Variants in CHRM3 observed in about 807,000 individuals in gnomAD.
The protein encoded by CHRM3 is cholinergic receptor muscarinic 3, also known as muscarinic acetylcholine receptor M3.
In CHRM3, 11 loss-of-function variants were observed where a neutral mutation model predicts 41.8. The ratio of observed to expected loss-of-function variants is 0.26; its 90% CI spans 0.17 to 0.44. The LOEUF is 0.44. CHRM3 is among the 20% of genes least tolerant of loss of function. The pLI, the probability that CHRM3 is intolerant of heterozygous loss-of-function variation, is 1.00. For synonymous variants in CHRM3, 297 were observed against 301.4 expected (o/e 0.99, Z 0.15); for missense variants, 571 against 745.4 (o/e 0.77, Z 2.72).
intron 3 of CHRM3, among the ~76,000 whole-genome samples, chr1:239,600,833 A>G (rs1291768171): frequency 7.3e-6 from 1 of 136,712 alleles, no homozygotes; most frequent in African/African-American, 2.8e-5. Context: ...CTTTACTTTC[A>G]CATTGCATGC....
intron 3 of CHRM3, among the ~76,000 whole-genome samples, chr1:239,554,287 AATTCGAGTATTCTATTTATTC>A (rs1458275098): frequency 1.3e-5 from 2 of 152,192 alleles, no homozygotes; most frequent in East Asian, 3.8e-4. Context: ...GAAGCCAGAG[AATTCGAGTATTCTATTTATTC>A]ATTCAGCAAA....
intron 3 of CHRM3, among the ~76,000 whole-genome samples, chr1:239,572,180 C>T (rs1306214712): frequency 6.6e-6 from 1 of 152,136 alleles, no homozygotes; most frequent in Non-Finnish European, 1.5e-5. Flanking sequence ...GCAGGGGAAT[C>T]CAGATGCAGG....
chr1:239,807,384 C>G (rs1670740352), intron 5 of CHRM3, among the ~76,000 whole-genome samples: 1 of 152,120 alleles, frequency 6.6e-6, no homozygotes, highest in Admixed American at 6.5e-5. Flanking sequence ...AATTGACCTA[C>G]CATTTAAATA....
intron 1 of CHRM3, among the ~76,000 whole-genome samples, chr1:239,407,417 T>TATATATATATAGAGAGAGAGAGAGAG: frequency 7.5e-6 from 1 of 134,124 alleles, no homozygotes; most frequent in Non-Finnish European, 1.7e-5. Flanking sequence ...TATATATATA[T>TATATATATATAGAGAGAGAGAGAGAG]AGAGAGAGAG....
In CHRM3 at chr1:239,556,342, T is replaced by TA. The variant is rs1180235035; in HGVS notation, c.-313+10599dup. ...AATTTATGTCTCATTTTAGCTTTTTTAAAAAATATATAGATTCAAAAAATA... is the reference window on the plus strand; with the variant it reads ...AATTTATGTCTCATTTTAGCTTTTTTAAAAAAATATATAGATTCAAAAAATA... On this transcript the variant is annotated intron_variant, in intron 3 of 6. Coordinates refer to ENST00000676153, the MANE Select transcript of CHRM3 (RefSeq NM_001375978.1). 9.2e-5 allele frequency among the ~76,000 whole-genome samples: 14 copies of TA among 152,280 alleles called. No homozygotes were observed. In the East Asian group the frequency reaches 2.7e-3, roughly 29 times the overall value.
intron 5 of CHRM3, among the ~76,000 whole-genome samples, chr1:239,779,156 G>C (rs1406748118): frequency 6.6e-6 from 1 of 151,856 alleles, no homozygotes; most frequent in Non-Finnish European, 1.5e-5. Flanking sequence ...TTTTTTCATA[G>C]ACTACACGTT....
At chr1:239,668,089 C>CTTTTTTTTTTTT (rs1221135009) in intron 4 of CHRM3, among the ~76,000 whole-genome samples, 6 of 75,598 alleles carry the variant, frequency 7.9e-5, no homozygotes, top group Admixed American at 1.5e-4. Context: ...TTTCCCCTTT[C>CTTTTTTTTTTTT]TTTTTTTTTT....
intron 2 of CHRM3, among the ~76,000 whole-genome samples, chr1:239,527,126 AAACAAAAAC>A (rs1670047710): frequency 6.6e-6 from 1 of 152,270 alleles, no homozygotes; most frequent in South Asian, 2.1e-4. Flanking sequence ...TCAAAAAACA[AAACAAAAAC>A]AACAAAAACA....
intron 2 of CHRM3, among the ~76,000 whole-genome samples, chr1:239,529,966 C>T (rs902220683): frequency 1.3e-5 from 2 of 151,972 alleles, no homozygotes; most frequent in African/African-American, 2.4e-5. Context: ...GGCGCGATCT[C>T]GGCTCACTGC....
At chr1:239,407,543 T>C (rs903994290) in intron 1 of CHRM3, among the ~76,000 whole-genome samples, 2 of 152,034 alleles carry the variant, frequency 1.3e-5, no homozygotes, top group African/African-American at 4.8e-5. Flanking sequence ...TTTTTCTTAT[T>C]GCAGAAAGGA....
chr1:239,635,007 A>G (rs533592075), intron 4 of CHRM3, among the ~76,000 whole-genome samples: 2 of 152,342 alleles, frequency 1.3e-5, no homozygotes, highest in East Asian at 3.9e-4. Context: ...AAATACTCTG[A>G]TATCTATTCA....
chr1:239,459,771 G>A (rs1665217751), intron 1 of CHRM3, among the ~76,000 whole-genome samples: 1 of 152,128 alleles, frequency 6.6e-6, no homozygotes, highest in Non-Finnish European at 1.5e-5. Context: ...TGGTGAGAGA[G>A]CTTTTGACAT....
chr1:239,813,692 C>T (rs538759863), intron 5 of CHRM3, among the ~76,000 whole-genome samples: 16 of 145,966 alleles, frequency 1.1e-4, no homozygotes, highest in Non-Finnish European at 1.7e-4. Flanking sequence ...CCGAGGCGGG[C>T]GGATCACGAG....
intron 5 of CHRM3, among the ~76,000 whole-genome samples, chr1:239,776,991 TG>T (rs1216152463): frequency 6.6e-6 from 1 of 152,184 alleles, no homozygotes; most frequent in East Asian, 1.9e-4. Flanking sequence ...ATGGGGATTA[TG>T]GGAACTGCAG....
At chr1:239,757,097 A>G (rs1180448539) in intron 5 of CHRM3, among the ~76,000 whole-genome samples, 1 of 152,192 alleles carries the variant, frequency 6.6e-6, no homozygotes, top group African/African-American at 2.4e-5. Context: ...TGACATTGTG[A>G]ATATGATTTG....
At chr1:239,684,787 G>C (rs1247379349) in intron 5 of CHRM3, among the ~76,000 whole-genome samples, 1 of 67,638 alleles carries the variant, frequency 1.5e-5, no homozygotes, top group Non-Finnish European at 3.7e-5. Flanking sequence ...AGAAAGAAAA[G>C]AGAAGAGAAG....
chr1:239,641,278 G>C (rs1437473493), intron 4 of CHRM3, among the ~76,000 whole-genome samples: 1 of 151,802 alleles, frequency 6.6e-6, no homozygotes, highest in East Asian at 1.9e-4. Context: ...ATGTCTATTA[G>C]GTCCGCTTGG....
chr1:239,630,651 G>A (rs1398336717), intron 3 of CHRM3, among the ~76,000 whole-genome samples: 1 of 152,130 alleles, frequency 6.6e-6, no homozygotes, highest in Non-Finnish European at 1.5e-5. Flanking sequence ...TGGGAGTGTT[G>A]ATATAGTTCA....
chr1:239,692,320 G>C (rs1264253915), intron 5 of CHRM3, among the ~76,000 whole-genome samples: 1 of 152,132 alleles, frequency 6.6e-6, no homozygotes, highest in Non-Finnish European at 1.5e-5. Context: ...CAACACATTG[G>C]AGTTTAAATC....
Sources: allele counts gnomAD v4.1 joint callset (sites outside exome capture counted in the v4.1 genomes callset), GRCh38; gene constraint gnomAD v4.1.1; transcripts MANE v1.5; gene names NCBI Gene and HGNC (gene_info 2026-07-23, HGNC 2026-07-21).